The following LOC128462377 variants were observed in gnomAD, a reference collection of about 807,000 sequenced individuals.
At chr16:89,387,274 G>T in the LOC128462377 span, among the ~76,000 whole-genome samples, 1 of 152,038 alleles carries the variant, frequency 6.6e-6, no homozygotes, top group South Asian at 2.1e-4. Flanking sequence ...TGAATGGTGG[G>T]AGTGCCCCTC....
At chr16:89,352,726 TC>T in the LOC128462377 span, among the ~76,000 whole-genome samples, 15 of 152,262 alleles carry the variant, frequency 9.9e-5, no homozygotes, top group Admixed American at 4.6e-4. Context: ...GCTGGGTGAG[TC>T]CCGCTTGCCT....
the LOC128462377 span, among the ~76,000 whole-genome samples, chr16:89,397,364 C>T: frequency 6.6e-6 from 1 of 152,248 alleles, no homozygotes; most frequent in Admixed American, 6.5e-5. Context: ...TGCGCATTTA[C>T]AAAATCTGAG....
chr16:89,328,750 GA>G, the LOC128462377 span, among the ~76,000 whole-genome samples: 40 of 136,482 alleles, frequency 2.9e-4, no homozygotes, highest in African/African-American at 9.3e-4. Flanking sequence ...GAGCACGGGC[GA>G]AATCAGCGGA....
the LOC128462377 span, among the ~76,000 whole-genome samples, chr16:89,342,898 T>C: frequency 6.6e-6 from 1 of 152,190 alleles, no homozygotes. Context: ...CGGAGGTGAA[T>C]GAAAAGAAGG....
At chr16:89,405,947 TAAA>T in the LOC128462377 span, among the ~76,000 whole-genome samples, 2 of 151,706 alleles carry the variant, frequency 1.3e-5, no homozygotes, top group African/African-American at 4.9e-5. Context: ...CCGTCTCTAC[TAAA>T]AAGACAAAAA....
chr16:89,364,044 G>A, the LOC128462377 span, among the ~76,000 whole-genome samples: 2 of 151,080 alleles, frequency 1.3e-5, no homozygotes, highest in Non-Finnish European at 2.9e-5. Context: ...CTGCCCAGCC[G>A]ACCAAGTGAC....
At chr16:89,404,109 G>T in the LOC128462377 span, among the ~76,000 whole-genome samples, 4 of 152,212 alleles carry the variant, frequency 2.6e-5, no homozygotes, top group Non-Finnish European at 5.9e-5. Flanking sequence ...CCCGGCACAT[G>T]ATTGTGAAGA....
chr16:89,388,293 A>ATTCTTTTTT, the LOC128462377 span, among the ~76,000 whole-genome samples: 1 of 85,266 alleles, frequency 1.2e-5, no homozygotes, highest in Non-Finnish European at 2.3e-5. Flanking sequence ...CATGAGGCTG[A>ATTCTTTTTT]TTTTTTTTTT....
chr16:89,373,881 A>C, the LOC128462377 span, among the ~76,000 whole-genome samples: 19 of 152,364 alleles, frequency 1.2e-4, no homozygotes, highest in East Asian at 9.6e-4. Flanking sequence ...CACTTGACAC[A>C]GAGGTGGGGC....
At chr16:89,331,544 G>C in the LOC128462377 span, among the ~76,000 whole-genome samples, 1 of 152,192 alleles carries the variant, frequency 6.6e-6, no homozygotes, top group Non-Finnish European at 1.5e-5. Context: ...GCACATTTAG[G>C]AAAGAGCCTT....
chr16:89,384,642 C>T, the LOC128462377 span, among the ~76,000 whole-genome samples: 1 of 152,102 alleles, frequency 6.6e-6, no homozygotes, highest in Non-Finnish European at 1.5e-5. Context: ...CTGGCAGTGG[C>T]ACTGACGGCT....
the LOC128462377 span, among the ~76,000 whole-genome samples, chr16:89,385,309 A>G: frequency 6.6e-6 from 1 of 151,480 alleles, no homozygotes; most frequent in Admixed American, 6.6e-5. Flanking sequence ...GTGTATTTTT[A>G]GTAGAGACGC....
the LOC128462377 span, among the ~76,000 whole-genome samples, chr16:89,323,570 ACGGGGGCTAAGCCCAGGGCAGGGGGGCT>A: frequency 8.3e-5 from 2 of 24,012 alleles, no homozygotes; most frequent in African/African-American, 2.9e-4. Flanking sequence ...AGCTAAGGGC[ACGGGGGCTAAGCCCAGGGCAGGGGGGCT>A]GAGCCCGGGG....
the LOC128462377 span, among the ~76,000 whole-genome samples, chr16:89,349,596 T>C: frequency 1.5e-4 from 23 of 152,106 alleles, no homozygotes; most frequent in Admixed American, 1.5e-3. Context: ...TAATTGAATA[T>C]CCTCATGCAA....
At chr16:89,346,955 GAAAGC>G in the LOC128462377 span, among the ~76,000 whole-genome samples, 1 of 152,200 alleles carries the variant, frequency 6.6e-6, no homozygotes, top group Non-Finnish European at 1.5e-5. Context: ...GACACAATAG[GAAAGC>G]AACTAGACAA....
At chr16:89,359,728 C>T in the LOC128462377 span, among the ~76,000 whole-genome samples, 1 of 152,208 alleles carries the variant, frequency 6.6e-6, no homozygotes, top group East Asian at 1.9e-4. Flanking sequence ...CAACGGTCTT[C>T]ATATCTGAGT....
chr16:89,334,217 C>T, the LOC128462377 span, among the ~76,000 whole-genome samples: 7 of 149,718 alleles, frequency 4.7e-5, no homozygotes, highest in Middle Eastern at 3.4e-3. Context: ...TCCCAAGCTG[C>T]GGGCTCAGGA....
At chr16:89,339,840 A>T in the LOC128462377 span, 1 of 152,196 alleles carries the variant, frequency 6.6e-6, no homozygotes, top group Non-Finnish European at 1.5e-5. Flanking sequence ...TTTTGGGGCT[A>T]AGCATTCCTC....
At chr16:89,328,456 C>T in the LOC128462377 span, among the ~76,000 whole-genome samples, 7 of 152,252 alleles carry the variant, frequency 4.6e-5, no homozygotes, top group African/African-American at 1.7e-4. Flanking sequence ...GGTGTCCCAG[C>T]GGTGTCCTCG....
Sources: gnomAD v4.1 joint callset for allele counts (sites outside exome capture counted in the v4.1 genomes callset) on GRCh38, gnomAD v4.1.1 for gene constraint, MANE v1.5 for transcripts.